The following MEX3C variants were observed in gnomAD, a reference collection of about 807,000 sequenced individuals.
MEX3C encodes mex-3 RNA binding family member C, also known as RNA-binding E3 ubiquitin-protein ligase MEX3C.
Under a neutral mutation model 35.5 loss-of-function variants are expected in MEX3C, and 15 were observed. The observed-to-expected ratio is 0.42, with a 90% CI of 0.28 to 0.65. MEX3C has a LOEUF of 0.65. Among genes scored for constraint, MEX3C ranks in the 30% least tolerant of loss-of-function variants. MEX3C has a pLI of 0.20. For synonymous variants in MEX3C, 390 were observed against 352.8 expected, an observed-to-expected ratio of 1.11 and a Z score of -1.18; for missense variants, 711 against 842.8, an observed-to-expected ratio of 0.84 and a Z score of 1.94.
At chr18:51,193,017 A>G (rs959538700) in intron 1 of MEX3C, 3 of 152,222 alleles carry the variant, frequency 2.0e-5, no homozygotes, top group Admixed American at 6.5e-5. Flanking sequence ...TCACAGACGT[A>G]TAAACCCTAT....
Position 51,176,577 on chromosome 18 carries a change from T to G in MEX3C, c.1754A>C (p.Asn585Thr). The G allele has an allele frequency of 1.2e-6, 2 of 1,613,990 alleles. No individual in the cohort carries two copies. Among genetic ancestry groups the G allele is most frequent in the Non-Finnish European group, 1.7e-6 (2 of 1,179,894 alleles). Residue 585 changes from asparagine to threonine, a missense_variant, in exon 2 of 2, where the codon AAT becomes ACT. Around this residue, in one of 4 missense-constraint regions of MEX3C, gnomAD observed 87 missense variants for 150.4 expected, o/e 0.58. Coordinates refer to ENST00000406189, the MANE Select transcript of MEX3C (RefSeq NM_016626.5). ...IYIPAFSNGT[N>T]SYSSSNGGST... Reference sequence around the variant, plus strand: ...ACCACCATTGGAAGAGGAGTAACTATTGGTACCATTAGAAAAAGCAGGGAT... The same window carrying G: ...ACCACCATTGGAAGAGGAGTAACTAGTGGTACCATTAGAAAAAGCAGGGAT...
rs780033210 is a variant in MEX3C at position 51,196,634 on chromosome 18, G to A, written c.687C>T (p.Ser229=). ...GEQAALLRRK[S]VNTTECVPVP... ...CCGGGACGCACTCGGTGGTGTTGAC[G>A]CTCTTTCTCCGGAGCAGGGCCGCCT... Residue 229 remains serine, a synonymous_variant, in exon 1 of 2, where the codon AGC becomes AGT. Transcript: ENST00000406189. 1.2e-5 allele frequency: 19 copies of A among 1,586,292 alleles called. No individual in the cohort carries two copies. The highest frequency in any genetic ancestry group is 2.7e-5 in the African/African-American group (2 of 74,282).
In MEX3C at chr18:51,179,300, C is replaced by T. The variant is rs143088716; in HGVS notation, c.755-1724G>A. Among the ~76,000 whole-genome samples, 1,414 of 152,296 alleles carry T rather than the reference C, an allele frequency of 9.3e-3. 7 individuals carry two copies. The highest frequency in any genetic ancestry group is 0.013 in the Non-Finnish European group (871 of 68,032). On this transcript the variant is annotated intron_variant, in intron 1 of 1. Coordinates refer to ENST00000406189, the MANE Select transcript of MEX3C (RefSeq NM_016626.5). ...TACAGGCGGGAGCCACCGCACCTGG[C>T]CGATGCTTTCTAATAAAGCACATGA... is the stretch of plus-strand genomic sequence containing the variant.
intron 1 of MEX3C, among the ~76,000 whole-genome samples, chr18:51,182,708 G>A (rs1004610393): frequency 6.6e-6 from 1 of 152,078 alleles, no homozygotes; most frequent in African/African-American, 2.4e-5. Context: ...CCTAGCCTTA[G>A]AAATTAAGAC....
chr18:51,180,554 T>C (rs1294411691), intron 1 of MEX3C, among the ~76,000 whole-genome samples: 1 of 152,156 alleles, frequency 6.6e-6, no homozygotes, highest in Non-Finnish European at 1.5e-5. Context: ...ATCGGCTCAC[T>C]GCAACTTCCG....
intron 1 of MEX3C, among the ~76,000 whole-genome samples, chr18:51,185,282 G>A (rs1912513815): frequency 6.6e-6 from 1 of 152,194 alleles, no homozygotes; most frequent in East Asian, 1.9e-4. Context: ...GCTTCTAGAG[G>A]CCACCTACAT....
Position 51,184,609 on chromosome 18 carries a change from C to T in MEX3C, c.755-7033G>A, listed in dbSNP as rs186092207. Among the ~76,000 whole-genome samples, 172 of 152,196 alleles carry T rather than the reference C, an allele frequency of 1.1e-3. 1 individual carries two copies. The highest frequency in any genetic ancestry group is 3.7e-3 in the African/African-American group (154 of 41,532). On this transcript the variant is annotated intron_variant, in intron 1 of 1. Coordinates refer to ENST00000406189, the MANE Select transcript of MEX3C (RefSeq NM_016626.5). Reference sequence around the variant, plus strand: ...TGATGCCTCAAGCCTGTAATCTCAACGCTTTGGGGAGCTGAGGTGGGAGGA... The same window carrying T: ...TGATGCCTCAAGCCTGTAATCTCAATGCTTTGGGGAGCTGAGGTGGGAGGA...
intron 1 of MEX3C, among the ~76,000 whole-genome samples, chr18:51,184,489 A>G (rs184512001): frequency 1.7e-4 from 26 of 152,342 alleles, no homozygotes; most frequent in Admixed American, 1.3e-3. Context: ...AGGAGAGACT[A>G]AAATGTTAGA....
Position 51,176,999 on chromosome 18 carries a change from A to G in MEX3C, c.1332T>C (p.Asn444=), listed in dbSNP as rs781725514. ...SRARMISNYR[N]DSSSSLGSGS... ...CACTTCCTAGAGAACTGGAACTATCATTTCGATAATTGGATATCATTCTTG... is the reference window on the plus strand; with the variant it reads ...CACTTCCTAGAGAACTGGAACTATCGTTTCGATAATTGGATATCATTCTTG... Residue 444 remains asparagine, a synonymous_variant, in exon 2 of 2, where the codon AAT becomes AAC. Transcript: ENST00000406189. 6.2e-7 allele frequency: 1 copy of G among 1,614,002 alleles called. No individual in the cohort carries two copies. The highest frequency in any genetic ancestry group is 1.1e-5 in the South Asian group (1 of 91,086).
chr18:51,183,805 C>T (rs908107584), intron 1 of MEX3C, among the ~76,000 whole-genome samples: 2 of 151,954 alleles, frequency 1.3e-5, no homozygotes, highest in African/African-American at 4.8e-5. Flanking sequence ...TAGCAGGACG[C>T]TGTTTCTACA....
At chr18:51,180,910 G>A (rs1912414127) in intron 1 of MEX3C, among the ~76,000 whole-genome samples, 1 of 152,138 alleles carries the variant, frequency 6.6e-6, no homozygotes, top group African/African-American at 2.4e-5. Flanking sequence ...TCATACCACT[G>A]TTTCTGTAGG....
chr18:51,185,892 C>G (rs7236521), intron 1 of MEX3C, among the ~76,000 whole-genome samples: 13,460 of 149,618 alleles, frequency 0.09, 640 homozygotes, highest in African/African-American at 0.12. Context: ...AGACCCCCCC[C>G]TCTCTATAAT....
At position 51,197,138 on chromosome 18, in the gene MEX3C, G is replaced by C. The variant is rs1351774537; in HGVS notation, c.183C>G (p.Ser61Arg). Reference protein sequence around the residue: ...RLAALGLDDPSPAEPGAPALR... With the variant: ...RLAALGLDDPRPAEPGAPALR... ...GCGCCGGGGCGCCGGGCTCCGCCGG[G>C]CTGGGGTCGTCGAGGCCTAGCGCGG... Residue 61 changes from serine to arginine, a missense_variant, in exon 1 of 2, where the codon AGC becomes AGG. This residue lies in a region of MEX3C where 354 missense variants were observed against 311.6 expected (regional missense o/e 1.14). Coordinates refer to ENST00000406189, the MANE Select transcript of MEX3C (RefSeq NM_016626.5). The C allele has an allele frequency of 3.7e-6, 4 of 1,082,414 alleles. No individual in the cohort carries two copies. Among genetic ancestry groups the C allele is most frequent in the Non-Finnish European group, 4.5e-6 (4 of 897,406 alleles). 67.1% of individuals were successfully genotyped at this position (1,082,414 alleles called of 1,614,324 possible).
chr18:51,182,689 A>G (rs1251206426), intron 1 of MEX3C, among the ~76,000 whole-genome samples: 1 of 152,172 alleles, frequency 6.6e-6, no homozygotes, highest in Non-Finnish European at 1.5e-5. Flanking sequence ...GTAAATAAAG[A>G]GAGCTTTTCC....
rs1912327158 is a variant in MEX3C, at chr18:51,177,286, T to C, written c.1045A>G (p.Ile349Val). Residue 349 changes from isoleucine (I) to valine (V), a missense_variant, in exon 2 of 2, where the codon ATT (isoleucine) becomes GTT (valine). By Grantham distance (29) the Ile-to-Val change is conservative (BLOSUM62 3). This residue lies in a region of MEX3C where 83 missense variants were observed against 179.1 expected (regional missense o/e 0.46). Transcript: ENST00000406189. The surrounding 1 kb of genome is among the most constrained non-coding windows in gnomAD (Gnocchi z 4.2). Reference sequence around the variant, plus strand: ...TGGGTCTGCTGCTGAATTCTTTTAATAGTTGCTCCTTTGGGTCCAACCACT... The same window carrying C: ...TGGGTCTGCTGCTGAATTCTTTTAACAGTTGCTCCTTTGGGTCCAACCACT... The part of the protein sequence containing the change: ...GLVVGPKGAT[I>V]KRIQQQTHTY... 2 of 1,613,928 alleles carry C rather than the reference T, an allele frequency of 1.2e-6. No homozygotes were observed. The highest frequency in any genetic ancestry group is 8.5e-7 in the Non-Finnish European group (1 of 1,179,912).
At chr18:51,184,284 C>T (rs1757916730) in intron 1 of MEX3C, among the ~76,000 whole-genome samples, 1 of 152,162 alleles carries the variant, frequency 6.6e-6, no homozygotes, top group South Asian at 2.1e-4. Context: ...GCACTGCAGT[C>T]CTGCCCAATA....
In MEX3C at chr18:51,176,174, C is replaced by T. The variant is rs1912297151; in HGVS notation, c.*177G>A. 1 of 587,818 alleles carries T rather than the reference C, an allele frequency of 1.7e-6. No homozygotes were observed. Among genetic ancestry groups the T allele is most frequent in the Non-Finnish European group, 2.8e-6 (1 of 352,398 alleles). 36.4% of individuals were successfully genotyped at this position (587,818 alleles called of 1,614,324 possible). ...AACCAAACTAATAGACAAGAGACCA[C>T]TTAGGTTTAGTGTTACCATAGCAGC... On this transcript the variant is annotated 3_prime_UTR_variant, in exon 2 of 2. Coordinates refer to ENST00000406189, the MANE Select transcript of MEX3C (RefSeq NM_016626.5).
chr18:51,185,722 T>C (rs1056634081), intron 1 of MEX3C, among the ~76,000 whole-genome samples: 5 of 152,044 alleles, frequency 3.3e-5, no homozygotes, highest in Admixed American at 2.6e-4. Flanking sequence ...CAGGAAAGGT[T>C]TGAGGAATCA....
Position 51,197,083 on chromosome 18 carries a change from G to A in MEX3C, c.238C>T (p.Gln80Ter). The A allele has an allele frequency of 8.1e-7, 1 of 1,227,420 alleles. No homozygotes were observed. The highest frequency in any genetic ancestry group is 1.0e-6 in the Non-Finnish European group (1 of 987,288). The allele number at this position is 1,227,420 out of a possible 1,614,324, so 76.0% of individuals were successfully genotyped here. A position where few individuals can be genotyped will look rare whatever the true frequency, so the allele number is the denominator to read the frequency against. The change falls in exon 1 of 2, where the codon CAG becomes TAG. Residue 80 changes from glutamine to a stop codon, truncating the protein, a stop_gained. Transcript: ENST00000406189. LOFTEE classifies it high-confidence loss of function. ...LRAPAAAAQGQARRAAELSPE... is the reference protein window; with the variant it reads ...LRAPAAAAQG ...GACAGCTCCGCCGCCCGCCGGGCCT[G>A]GCCCTGCGCCGCCGCTGCCGGGGCC...
Sources: gnomAD v4.1 joint callset for allele counts (sites outside exome capture counted in the v4.1 genomes callset) on GRCh38, gnomAD v4.1.1 for gene constraint, gnomAD v4.1.1 regional missense constraint, Gnocchi (gnomAD v3.1) non-coding constraint, MANE v1.5 for transcripts, NCBI Gene and HGNC (gene_info 2026-07-23, HGNC 2026-07-21) for gene names.